Variants in RNF185 observed in about 807,000 individuals in gnomAD.
RNF185 encodes the protein ring finger protein 185.
Under a neutral mutation model 24.9 loss-of-function variants are expected in RNF185, and 13 were observed. That is an observed-to-expected ratio of 0.52 (90% CI 0.34 to 0.83). RNF185 has a LOEUF of 0.83. Among genes scored for constraint, RNF185 ranks in the 40% least tolerant of loss-of-function variants. RNF185 has a pLI of 0.01. For synonymous variants in RNF185, 79 were observed against 90.3 expected, an observed-to-expected ratio of 0.88 and a Z score of 0.71; for missense variants, 184 against 244.7, an observed-to-expected ratio of 0.75 and a Z score of 1.65.
At position 31,204,430 on chromosome 22, in the gene RNF185, G is replaced by T. The variant is rs561851082; in HGVS notation, c.482-59G>T. The T allele has an allele frequency of 4.1e-5, 41 of 989,764 alleles. No individual in the cohort carries two copies. The Admixed American group carries it at 6.4e-4, about 16-fold the overall frequency. The allele number at this position is 989,764 out of a possible 1,614,324, so 61.3% of individuals were successfully genotyped here. ...GATGCTGTCAACTTCTGGCCTGAGTGGGCAGTGTGCATAGCTGCAGTGTTC... is the reference window on the plus strand; with the variant it reads ...GATGCTGTCAACTTCTGGCCTGAGTTGGCAGTGTGCATAGCTGCAGTGTTC... On this transcript the variant is annotated intron_variant, in intron 6 of 6. Coordinates refer to ENST00000326132, the MANE Select transcript of RNF185 (RefSeq NM_152267.4).
intron 1 of RNF185, among the ~76,000 whole-genome samples, chr22:31,172,025 A>C (rs961436788): frequency 1.2e-4 from 19 of 152,238 alleles, no homozygotes; most frequent in Non-Finnish European, 2.2e-4. Context: ...CCGGGTATTA[A>C]AATTTAAAAA....
chr22:31,193,506 C>G lies in RNF185; in HGVS notation c.195+804C>G, dbSNP rs201254624. Among the ~76,000 whole-genome samples the G allele has an allele frequency of 4.7e-4, 71 of 152,270 alleles. No individual in the cohort carries two copies. In the East Asian group the frequency reaches 0.012, roughly 27 times the overall value. On this transcript the variant is annotated intron_variant, in intron 3 of 6. Transcript: ENST00000326132. ...TGTTTATAGAATGTCTATAAAAACA[C>G]ATTTTGGCCGGGTGTGGTGGCTCAC...
intron 2 of RNF185, among the ~76,000 whole-genome samples, chr22:31,187,937 GTT>G (rs1004194180): frequency 1.9e-4 from 24 of 127,676 alleles, no homozygotes; most frequent in East Asian, 1.3e-3. Context: ...GTGTGTGTGT[GTT>G]TTTTTTTGTC....
chr22:31,170,978 G>GTC (rs1233686616), intron 1 of RNF185, among the ~76,000 whole-genome samples: 1 of 151,828 alleles, frequency 6.6e-6, no homozygotes, highest in Non-Finnish European at 1.5e-5. Context: ...AGATGGACAG[G>GTC]TCTCTGAATA....
intron 4 of RNF185, 73 bp downstream of exon 4, chr22:31,195,654 A>C: frequency 1.1e-6 from 1 of 923,416 alleles, no homozygotes; most frequent in Non-Finnish European, 1.7e-6. Context: ...AGCATCCCCT[A>C]ACCCCACCCT....
intron 1 of RNF185, among the ~76,000 whole-genome samples, chr22:31,169,111 A>C (rs528860409): frequency 2.0e-5 from 3 of 152,262 alleles, no homozygotes; most frequent in South Asian, 2.1e-4. Flanking sequence ...AGGTTTCACC[A>C]TGTTGCCCAA....
chr22:31,182,822 C>T (rs2048052011), intron 1 of RNF185: 1 of 151,952 alleles, frequency 6.6e-6, no homozygotes, highest in East Asian at 1.9e-4. Context: ...GTCCCACATT[C>T]TGGATTTGGC....
At chr22:31,189,758 G>GA (rs2048138594) in intron 2 of RNF185, among the ~76,000 whole-genome samples, 1 of 45,480 alleles carries the variant, frequency 2.2e-5, no homozygotes, top group African/African-American at 1.4e-4. Flanking sequence ...GGTGCACCCA[G>GA]CTAATTTTTG....
chr22:31,198,752 T>C (rs1342857887), intron 5 of RNF185, among the ~76,000 whole-genome samples: 2 of 146,886 alleles, frequency 1.4e-5, no homozygotes, highest in African/African-American at 5.0e-5. Flanking sequence ...AATGGCATTT[T>C]ATTAGGATTT....
intron 1 of RNF185, among the ~76,000 whole-genome samples, chr22:31,181,293 G>T (rs1022255777): frequency 2.6e-5 from 4 of 151,862 alleles, no homozygotes; most frequent in Non-Finnish European, 5.9e-5. Context: ...GCAGTGAGCT[G>T]TGATTGCACC....
At chr22:31,164,291 G>A (rs1196735456) in intron 1 of RNF185, among the ~76,000 whole-genome samples, 4 of 151,998 alleles carry the variant, frequency 2.6e-5, no homozygotes, top group Non-Finnish European at 5.9e-5. Flanking sequence ...TTTTTATTTT[G>A]AAATAATTTT....
chr22:31,184,802 G>A (rs541728847), intron 1 of RNF185, among the ~76,000 whole-genome samples: 1 of 152,142 alleles, frequency 6.6e-6, no homozygotes, highest in South Asian at 2.1e-4. Flanking sequence ...GCAATCCCAG[G>A]CACTCGGCAG....
In RNF185 at chr22:31,189,576, C is replaced by T. The variant is rs144308695; in HGVS notation, c.176+2306C>T. ...CCTCCCAAAGTGCTAGGATTACAGG[C>T]GTGAGCCACCATGCCTGGCCCTGTG... On this transcript the variant is annotated intron_variant, in intron 2 of 6. Coordinates refer to ENST00000326132, the MANE Select transcript of RNF185 (RefSeq NM_152267.4). Among the ~76,000 whole-genome samples the T allele has an allele frequency of 3.5e-4, 53 of 150,562 alleles. No homozygotes were observed. The East Asian group carries it at 9.0e-3, about 26-fold the overall frequency.
intron 1 of RNF185, among the ~76,000 whole-genome samples, chr22:31,179,994 A>G (rs1443683548): frequency 1.3e-5 from 2 of 151,958 alleles, no homozygotes; most frequent in African/African-American, 2.4e-5. Flanking sequence ...AAGAGATTCA[A>G]ATCATCAAGA....
intron 2 of RNF185, among the ~76,000 whole-genome samples, chr22:31,191,956 T>A (rs1014232869): frequency 1.3e-4 from 19 of 151,952 alleles, no homozygotes; most frequent in African/African-American, 4.4e-4. Flanking sequence ...CTTTTTTTTT[T>A]AATCCTGATG....
chr22:31,196,864 A>G (rs1412694288), intron 4 of RNF185, 72 bp from the exon 5 acceptor site: 5 of 1,583,794 alleles, frequency 3.2e-6, no homozygotes, highest in Non-Finnish European at 4.3e-6. Flanking sequence ...GTTGGTAAAG[A>G]GCTCCAGGTC....
intron 1 of RNF185, among the ~76,000 whole-genome samples, chr22:31,180,012 C>T (rs572206683): frequency 1.1e-4 from 16 of 147,788 alleles, no homozygotes; most frequent in East Asian, 2.1e-4. Context: ...AGAGATCTAC[C>T]GTGGCCATAT....
At chr22:31,193,151 G>A (rs1281703278) in intron 3 of RNF185, among the ~76,000 whole-genome samples, 2 of 152,196 alleles carry the variant, frequency 1.3e-5, no homozygotes, top group Non-Finnish European at 2.9e-5. Flanking sequence ...GTGAGACAGA[G>A]CTGGGCCTGG....
At chr22:31,198,918 A>G (rs1158966551) in intron 5 of RNF185, among the ~76,000 whole-genome samples, 1 of 149,448 alleles carries the variant, frequency 6.7e-6, no homozygotes, top group East Asian at 2.0e-4. Flanking sequence ...AATATGGTGA[A>G]ACCCTGTCTC....
Sources: gnomAD v4.1 joint callset for allele counts (sites outside exome capture counted in the v4.1 genomes callset) on GRCh38, gnomAD v4.1.1 for gene constraint, MANE v1.5 for transcripts, NCBI Gene and HGNC (gene_info 2026-07-23, HGNC 2026-07-21) for gene names.